The following KIF26B variants were observed in gnomAD, a reference collection of about 807,000 sequenced individuals.
The protein encoded by KIF26B is kinesin-like protein KIF26B.
KIF26B carries 63 observed loss-of-function variants against 151.2 expected under a neutral mutation model. The observed-to-expected ratio is 0.42, with a 90% CI of 0.34 to 0.51. The LOEUF (loss-of-function observed/expected upper bound fraction) is 0.51, where lower values mean the gene tolerates loss of function less well. Ranked by LOEUF, KIF26B falls within the 20% of genes least tolerant of loss-of-function variation. The pLI, the probability that KIF26B is intolerant of heterozygous loss-of-function variation, is 0.07. For missense variants in KIF26B, 2,813 were observed against 2,913.6 expected, an observed-to-expected ratio of 0.97 and a Z score of 0.79; for synonymous variants, 1,357 against 1,262.1, an observed-to-expected ratio of 1.08 and a Z score of -1.59.
At chr1:245,204,042 G>T (rs1365794936) in intron 2 of KIF26B, among the ~76,000 whole-genome samples, 1 of 152,234 alleles carries the variant, frequency 6.6e-6, no homozygotes, top group Non-Finnish European at 1.5e-5. Context: ...CCCCAAGCCA[G>T]TTAGCTCTGA....
intron 9 of KIF26B, 139 bp from the exon 10 acceptor site, chr1:245,645,982 G>A (rs1333316160): frequency 1.2e-6 from 1 of 860,072 alleles, no homozygotes; most frequent in Non-Finnish European, 1.7e-6. Flanking sequence ...TTTTTCTGGG[G>A]TTTCCTAGTA....
rs2044503920 is a variant in KIF26B, at chr1:245,685,714, G to T, written c.2731G>T (p.Ala911Ser). The change falls in exon 12 of 15, where the codon GCT (alanine) becomes TCT (serine). Residue 911 changes from alanine to serine, a missense_variant. By Grantham distance (99) the Ala-to-Ser change is moderately conservative. Around this residue, in one of 3 missense-constraint regions of KIF26B, gnomAD observed 2,060 missense variants for 2,088.6 expected, o/e 0.99. Coordinates refer to ENST00000407071, the MANE Select transcript of KIF26B (RefSeq NM_018012.4). ...CAGCCGGCCCGCAGAGGCAGGAGAG[G>T]CTGCAGCCGGCAAGTCAGAAAGGGA... is the stretch of plus-strand genomic sequence containing the variant. ...GDSRPAEAGE[A>S]AAGKSERDCL... 6.2e-7 allele frequency: 1 copy of T among 1,611,796 alleles called. No individual in the cohort carries two copies. Among genetic ancestry groups the T allele is most frequent in the South Asian group, 1.1e-5 (1 of 91,042 alleles).
At chr1:245,494,010 A>C (rs1015985604) in intron 4 of KIF26B, among the ~76,000 whole-genome samples, 1 of 152,142 alleles carries the variant, frequency 6.6e-6, no homozygotes, top group Admixed American at 6.5e-5. Flanking sequence ...AGTGGAAAAA[A>C]AAAAATCACA....
At chr1:245,380,719 C>T (rs1030828379) in intron 3 of KIF26B, among the ~76,000 whole-genome samples, 2 of 152,066 alleles carry the variant, frequency 1.3e-5, no homozygotes, top group Non-Finnish European at 2.9e-5. Context: ...GGAAGGGGAC[C>T]GATTCCTCAG....
intron 3 of KIF26B, among the ~76,000 whole-genome samples, chr1:245,389,704 T>TAAA (rs1430016679): frequency 6.6e-6 from 1 of 152,238 alleles, no homozygotes; most frequent in East Asian, 1.9e-4. Flanking sequence ...TCCATTTTTT[T>TAAA]AAATGTTGGT....
chr1:245,339,992 TG>T (rs778629652), intron 2 of KIF26B, among the ~76,000 whole-genome samples: 3 of 152,230 alleles, frequency 2.0e-5, no homozygotes, highest in Non-Finnish European at 2.9e-5. Context: ...CCCTACCTTC[TG>T]GAAACCCATT....
chr1:245,285,095 G>T (rs1389820919), intron 2 of KIF26B, among the ~76,000 whole-genome samples: 1 of 152,204 alleles, frequency 6.6e-6, no homozygotes, highest in Non-Finnish European at 1.5e-5. Flanking sequence ...TCTTGTGTCT[G>T]GGAGTCAGTT....
chr1:245,674,958 G>A (rs1333157621), intron 10 of KIF26B, among the ~76,000 whole-genome samples: 1 of 152,140 alleles, frequency 6.6e-6, no homozygotes, highest in Non-Finnish European at 1.5e-5. Context: ...ACTGTCACGT[G>A]TGACAACTGC....
At chr1:245,486,873 G>A (rs1558185202) in intron 4 of KIF26B, among the ~76,000 whole-genome samples, 1 of 152,176 alleles carries the variant, frequency 6.6e-6, no homozygotes, top group Non-Finnish European at 1.5e-5. Flanking sequence ...GTCTCGCTGT[G>A]TTGCCCAGGC....
chr1:245,670,968 T>G (rs1164926731), intron 10 of KIF26B, among the ~76,000 whole-genome samples: 1 of 152,214 alleles, frequency 6.6e-6, no homozygotes, highest in African/African-American at 2.4e-5. Flanking sequence ...GTTGAACCTA[T>G]TAACCATCCC....
At chr1:245,180,211 C>T (rs1044709177) in intron 2 of KIF26B, among the ~76,000 whole-genome samples, 1 of 152,156 alleles carries the variant, frequency 6.6e-6, no homozygotes, top group Admixed American at 6.5e-5. Context: ...GATGTCAGAT[C>T]CTCCCCCATT....
chr1:245,664,372 A>AAT (rs1331144400), intron 10 of KIF26B, among the ~76,000 whole-genome samples: 1 of 151,460 alleles, frequency 6.6e-6, no homozygotes, highest in African/African-American at 2.4e-5. Flanking sequence ...AAAAAAAAAA[A>AAT]ATCCACAACA....
intron 2 of KIF26B, among the ~76,000 whole-genome samples, chr1:245,355,655 A>G (rs1672680220): frequency 6.6e-6 from 1 of 152,172 alleles, no homozygotes; most frequent in South Asian, 2.1e-4. Context: ...CCAGCGGTCA[A>G]GAACCATTGG....
rs1440919116 is a variant in KIF26B, at chr1:245,687,010, C to G, written c.4027C>G (p.Leu1343Val). 1.2e-6 allele frequency: 2 copies of G among 1,613,464 alleles called. No homozygotes were observed. Among genetic ancestry groups the G allele is most frequent in the East Asian group, 2.2e-5 (1 of 44,886 alleles). ...GGCCAGCCCCGACAACTTGCTCATC[C>G]TGTCTGAGATGGGAGATGACTCTTT... is the stretch of plus-strand genomic sequence containing the variant. ...PKASPDNLLI[L>V]SEMGDDSFNK... The change falls in exon 12 of 15, where the codon CTG (leucine) becomes GTG (valine). Residue 1343 changes from leucine (L) to valine (V), a missense_variant. By Grantham distance (32) the Leu-to-Val change is conservative. Coordinates refer to ENST00000407071, the MANE Select transcript of KIF26B (RefSeq NM_018012.4). This position sits in a 1 kb window ranked among gnomAD's most constrained non-coding sequence, Gnocchi z 4.9.
intron 5 of KIF26B, among the ~76,000 whole-genome samples, chr1:245,554,066 G>A (rs932571832): frequency 6.6e-6 from 1 of 152,034 alleles, no homozygotes; most frequent in Non-Finnish European, 1.5e-5. Context: ...GTCTGGCTAA[G>A]TGCCTTCTTC....
At chr1:245,178,621 C>A (rs1300197355) in intron 2 of KIF26B, among the ~76,000 whole-genome samples, 1 of 152,214 alleles carries the variant, frequency 6.6e-6, no homozygotes, top group South Asian at 2.1e-4. Flanking sequence ...TAAGCAATAA[C>A]TTTTGTTATT....
At chr1:245,661,107 C>A (rs577958767) in intron 10 of KIF26B, among the ~76,000 whole-genome samples, 1 of 151,960 alleles carries the variant, frequency 6.6e-6, no homozygotes, top group South Asian at 2.1e-4. Flanking sequence ...CTGCCTCAGC[C>A]CCCCGAGTAG....
chr1:245,662,807 C>T (rs190519458), intron 10 of KIF26B, among the ~76,000 whole-genome samples: 414 of 32,452 alleles, frequency 0.013, 3 homozygotes, highest in Non-Finnish European at 0.022. Flanking sequence ...GATCTCCTCA[C>T]TCTGTCTGCT....
At chr1:245,230,581 A>G (rs1347655606) in intron 2 of KIF26B, among the ~76,000 whole-genome samples, 2 of 152,094 alleles carry the variant, frequency 1.3e-5, no homozygotes, top group East Asian at 3.9e-4. Context: ...CATCTCTACT[A>G]AAAATACAAA....
Sources: gnomAD v4.1 joint callset for allele counts (sites outside exome capture counted in the v4.1 genomes callset) on GRCh38, gnomAD v4.1.1 for gene constraint, gnomAD v4.1.1 regional missense constraint, Gnocchi (gnomAD v3.1) non-coding constraint, MANE v1.5 for transcripts, NCBI Gene and HGNC (gene_info 2026-07-23, HGNC 2026-07-21) for gene names.